ASIC2: variants seen among roughly 807,000 people sequenced by gnomAD.
ASIC2 encodes the protein acid sensing ion channel subunit 2.
ASIC2 carries 25 observed loss-of-function variants against 57.3 expected under a neutral mutation model. The observed-to-expected ratio is 0.44, with a 90% CI of 0.32 to 0.61. The LOEUF (loss-of-function observed/expected upper bound fraction) is 0.61, where lower values mean the gene tolerates loss of function less well. Among genes scored for constraint, ASIC2 ranks in the 20% least tolerant of loss-of-function variants. The pLI is 0.06. For missense variants in ASIC2, 641 were observed against 738.1 expected (o/e 0.87, Z 1.52); for synonymous variants, 319 against 307.5 (o/e 1.04, Z -0.39).
At chr17:33,426,585 T>C (rs1444983357) in intron 1 of ASIC2, among the ~76,000 whole-genome samples, 1 of 152,202 alleles carries the variant, frequency 6.6e-6, no homozygotes, top group South Asian at 2.1e-4. Flanking sequence ...GAATGTAATA[T>C]ATTTGCCATC....
At chr17:33,637,712 C>T (rs2142031523) in intron 1 of ASIC2, among the ~76,000 whole-genome samples, 1 of 152,322 alleles carries the variant, frequency 6.6e-6, no homozygotes, top group Admixed American at 6.5e-5. Context: ...TCCTTGTCAA[C>T]ATTGTAATTA....
chr17:33,377,689 T>C (rs2141943555), intron 1 of ASIC2, among the ~76,000 whole-genome samples: 1 of 152,364 alleles, frequency 6.6e-6, no homozygotes, highest in South Asian at 2.1e-4. Context: ...CATCACACCA[T>C]TCTTCTAGGC....
intron 3 of ASIC2, among the ~76,000 whole-genome samples, chr17:33,065,105 T>A (rs980735158): frequency 6.6e-6 from 1 of 152,180 alleles, no homozygotes; most frequent in Admixed American, 6.5e-5. Context: ...GGCAGGTTTT[T>A]TTTTTGAGAG....
At chr17:33,454,290 G>A (rs887243229) in intron 1 of ASIC2, among the ~76,000 whole-genome samples, 9 of 152,218 alleles carry the variant, frequency 5.9e-5, no homozygotes, top group African/African-American at 1.9e-4. Context: ...GTGGTGACCA[G>A]TAGTACAGTG....
At chr17:33,126,883 C>T (rs1357088303) in intron 1 of ASIC2, among the ~76,000 whole-genome samples, 2 of 63,730 alleles carry the variant, frequency 3.1e-5, no homozygotes, top group Admixed American at 1.9e-4. Flanking sequence ...TTTTTTGAGA[C>T]GGAGTCTCGC....
intron 1 of ASIC2, among the ~76,000 whole-genome samples, chr17:33,338,638 G>T (rs1907615272): frequency 1.3e-5 from 2 of 152,150 alleles, no homozygotes; most frequent in African/African-American, 2.4e-5. Context: ...ATTGTCTTTT[G>T]GGGTAAGAAG....
intron 1 of ASIC2, among the ~76,000 whole-genome samples, chr17:33,954,562 C>A (rs1904675948): frequency 6.6e-6 from 1 of 152,182 alleles, no homozygotes; most frequent in Non-Finnish European, 1.5e-5. Flanking sequence ...GTGTCTTCAA[C>A]ACCCACACAG....
At chr17:33,784,659 T>A (rs894941069) in intron 1 of ASIC2, among the ~76,000 whole-genome samples, 1 of 152,216 alleles carries the variant, frequency 6.6e-6, no homozygotes, top group Non-Finnish European at 1.5e-5. Flanking sequence ...CTAATGAAGA[T>A]ATTTTACATT....
At chr17:33,770,803 C>T (rs1177917875) in intron 1 of ASIC2, among the ~76,000 whole-genome samples, 1 of 152,122 alleles carries the variant, frequency 6.6e-6, no homozygotes, top group Non-Finnish European at 1.5e-5. Context: ...TTTTCAATTT[C>T]CCCCCTGGGA....
intron 1 of ASIC2, among the ~76,000 whole-genome samples, chr17:33,112,542 C>T (rs1288626119): frequency 3.3e-5 from 5 of 152,156 alleles, no homozygotes; most frequent in Non-Finnish European, 7.3e-5. Context: ...CTTCCCCACC[C>T]CATTGGACAA....
chr17:33,436,994 T>C (rs924144090), intron 1 of ASIC2, among the ~76,000 whole-genome samples: 3 of 144,936 alleles, frequency 2.1e-5, no homozygotes, highest in Non-Finnish European at 3.0e-5. Context: ...GCCTCCCGAG[T>C]AGCTGGGACT....
chr17:33,941,984 C>A (rs1017514982), intron 1 of ASIC2, among the ~76,000 whole-genome samples: 1 of 152,112 alleles, frequency 6.6e-6, no homozygotes, highest in African/African-American at 2.4e-5. Flanking sequence ...TCCCACAGAG[C>A]GTTTTCAGGG....
chr17:33,158,370 G>A (rs973994780), intron 1 of ASIC2, among the ~76,000 whole-genome samples: 1 of 152,192 alleles, frequency 6.6e-6, no homozygotes, highest in Non-Finnish European at 1.5e-5. Context: ...GAAAAAACTT[G>A]GGAGACAAGG....
chr17:33,179,142 C>T (rs942426032), intron 1 of ASIC2, among the ~76,000 whole-genome samples: 1 of 152,072 alleles, frequency 6.6e-6, no homozygotes, highest in African/African-American at 2.4e-5. Context: ...ACTCAGCTTC[C>T]TCTTCTTTAG....
intron 1 of ASIC2, among the ~76,000 whole-genome samples, chr17:33,822,536 T>C (rs1456333106): frequency 6.6e-6 from 1 of 152,196 alleles, no homozygotes; most frequent in African/African-American, 2.4e-5. Flanking sequence ...CTAATATTCT[T>C]AGTCAGTGAT....
chr17:33,356,768 T>C lies in ASIC2; in HGVS notation c.556-244701A>G, dbSNP rs573038421. Among the ~76,000 whole-genome samples, 13 of 152,276 alleles carry C rather than the reference T, an allele frequency of 8.5e-5. 1 individual carries two copies. In the South Asian group the frequency reaches 2.3e-3, roughly 27 times the overall value. The stretch of plus-strand genomic sequence containing the variant: ...AGATCTCATTATGTAATTAGGTCTT[T>C]GGAAAATGAGCTATTATTCTTTGGC... On this transcript the variant is annotated intron_variant, in intron 1 of 9. Coordinates refer to the ASIC2 transcript ENST00000359872.
At chr17:33,044,065 AT>A (rs5820013) in intron 3 of ASIC2, among the ~76,000 whole-genome samples, 7,216 of 151,864 alleles carry the variant, frequency 0.048, 535 homozygotes, top group African/African-American at 0.16. Flanking sequence ...AAGCAACAGG[AT>A]TTTTTTTTGA....
chr17:33,240,309 C>T (rs576865057), intron 1 of ASIC2, among the ~76,000 whole-genome samples: 8 of 152,258 alleles, frequency 5.3e-5, no homozygotes, highest in African/African-American at 1.7e-4. Flanking sequence ...CACATCAGAC[C>T]TGTGTGAACC....
chr17:33,112,760 C>T (rs1015334555), intron 1 of ASIC2: 1 of 152,250 alleles, frequency 6.6e-6, no homozygotes, highest in Admixed American at 6.5e-5. Flanking sequence ...CTGCATCACT[C>T]TGGTTTCCTA....
Sources: allele counts gnomAD v4.1 joint callset (sites outside exome capture counted in the v4.1 genomes callset), GRCh38; gene constraint gnomAD v4.1.1; transcripts MANE v1.5; gene names NCBI Gene and HGNC (gene_info 2026-07-23, HGNC 2026-07-21).